Variants in PALB2 observed in about 807,000 individuals in gnomAD.
The protein encoded by PALB2 is mutant partner and localizer of BRCA2.
In PALB2, 82 loss-of-function variants were observed where a neutral mutation model predicts 107.4. The observed-to-expected ratio is 0.76, with a 90% CI of 0.64 to 0.92. The LOEUF is 0.92. Among genes scored for constraint, PALB2 ranks in the 40% least tolerant of loss-of-function variants. The pLI is 0.00. For missense variants in PALB2, 1,374 were observed against 1,379.9 expected (o/e 1.00, Z 0.07); for synonymous variants, 489 against 496.8 (o/e 0.98, Z 0.21).
chr16:23,635,487 T>A lies in PALB2; in HGVS notation c.1059A>T (p.Lys353Asn), dbSNP rs1213280805. ...GAGTGTCACTGGGAGATTTTAAAGA[T>A]TTCTCTGTTTGATTTTGTTCTTTTA... ...QNLKEQNQTE[K>N]SLKSPSDTLD... is the part of the protein sequence containing the mutation. The change falls in exon 4 of 13, where the codon AAA becomes AAT. Residue 353 changes from lysine to asparagine, a missense_variant. Transcript: ENST00000261584. The A allele has an allele frequency of 6.2e-7, 1 of 1,614,110 alleles. No homozygotes were observed. Among genetic ancestry groups the A allele is most frequent in the Non-Finnish European group, 8.5e-7 (1 of 1,179,984 alleles).
chr16:23,613,137 A>T (rs1420452988), intron 11 of PALB2, among the ~76,000 whole-genome samples: 1 of 152,128 alleles, frequency 6.6e-6, no homozygotes, highest in Non-Finnish European at 1.5e-5. Context: ...CACCTCGAGA[A>T]TCTATCATTT....
At chr16:23,603,915 T>C (rs1159988248) in intron 12 of PALB2, among the ~76,000 whole-genome samples, 1 of 152,176 alleles carries the variant, frequency 6.6e-6, no homozygotes, top group Non-Finnish European at 1.5e-5. Context: ...TGGCGCACAG[T>C]GGCCTTCCTT....
Position 23,630,396 on chromosome 16 carries a change from A to G in PALB2, c.1758T>C (p.Asp586=), listed in dbSNP as rs864622567. The G allele has an allele frequency of 6.2e-7, 1 of 1,614,152 alleles. No homozygotes were observed. Among genetic ancestry groups the G allele is most frequent in the Non-Finnish European group, 8.5e-7 (1 of 1,180,000 alleles). The change falls in exon 5 of 13, where the codon GAT becomes GAC. Residue 586 remains aspartate (D), a synonymous_variant. Coordinates refer to ENST00000261584, the MANE Select transcript of PALB2 (RefSeq NM_024675.4). ...CCCTATGAAATGGAGCCGTGAAAGCATCATCATCCAAGGATAAATAAGCAC... is the reference window on the plus strand; with the variant it reads ...CCCTATGAAATGGAGCCGTGAAAGCGTCATCATCCAAGGATAAATAAGCAC... The part of the protein sequence containing the change: ...SNSAYLSLDD[D]AFTAPFHRDG...
rs2142251301 is a variant in PALB2, at chr16:23,603,488, C to T, written c.3532G>A (p.Gly1178Arg). The T allele has an allele frequency of 6.2e-7, 1 of 1,613,540 alleles. No homozygotes were observed. Among genetic ancestry groups the T allele is most frequent in the Non-Finnish European group, 8.5e-7 (1 of 1,179,602 alleles). The change falls in exon 13 of 13, where the codon GGA (glycine) becomes AGA (arginine). Residue 1178 changes from glycine (G) to arginine (R), a missense_variant. Transcript: ENST00000261584. ...DSHLLAGQKD[G>R]NIFVYHYS Reference sequence around the variant, plus strand: ...GAATAGTGGTATACAAATATATTTCCATCTTTTTGTCCAGCCAGCAAATGA... The same window carrying T: ...GAATAGTGGTATACAAATATATTTCTATCTTTTTGTCCAGCCAGCAAATGA...
rs10525601 is a variant in PALB2 at position 23,608,801 on chromosome 16, T to TACACACACACACACAC, written c.3202-805_3202-790dup. On this transcript the variant is annotated intron_variant, in intron 11 of 12. Coordinates refer to ENST00000261584, the MANE Select transcript of PALB2 (RefSeq NM_024675.4). ...ATATTACTGTATGTGTGTATATATATACACACACACACACACACACACATA... is the reference window on the plus strand; with the variant it reads ...ATATTACTGTATGTGTGTATATATATACACACACACACACACACACACACACACACACACACACATA... 1.1e-3 allele frequency among the ~76,000 whole-genome samples: 153 copies of TACACACACACACACAC among 143,810 alleles called. 1 individual carries two copies. The highest frequency in any genetic ancestry group is 3.9e-3 in the African/African-American group (147 of 37,930). 94.3% of individuals were successfully genotyped at this position (143,810 alleles called of 152,430 possible).
intron 10 of PALB2, chr16:23,617,504 G>T (rs904418194): frequency 2.0e-5 from 3 of 151,444 alleles, no homozygotes; most frequent in Non-Finnish European, 2.9e-5. Flanking sequence ...AGGATCACTT[G>T]CATTGAGGAG....
At chr16:23,609,030 G>A (rs1172089637) in intron 11 of PALB2, among the ~76,000 whole-genome samples, 1 of 152,098 alleles carries the variant, frequency 6.6e-6, no homozygotes, top group Middle Eastern at 3.4e-3. Flanking sequence ...GTTTCACCAC[G>A]TTGACCAGGA....
intron 1 of PALB2, among the ~76,000 whole-genome samples, chr16:23,639,670 A>T (rs976629785): frequency 6.6e-6 from 1 of 151,616 alleles, no homozygotes; most frequent in Admixed American, 6.6e-5. Flanking sequence ...AAATACAAAA[A>T]TTAGCCCGGC....
chr16:23,609,839 T>C (rs928595394), intron 11 of PALB2, among the ~76,000 whole-genome samples: 3 of 151,946 alleles, frequency 2.0e-5, no homozygotes, highest in African/African-American at 7.3e-5. Context: ...TTTGGGGGGA[T>C]AGGGTCTCAC....
intron 4 of PALB2, among the ~76,000 whole-genome samples, chr16:23,634,360 G>A (rs757983073): frequency 9.9e-5 from 15 of 152,208 alleles, no homozygotes; most frequent in Non-Finnish European, 1.8e-4. Flanking sequence ...TTTAGAAAGT[G>A]CCAGGCAAGC....
chr16:23,636,757 A>G (rs1348842256), intron 3 of PALB2, among the ~76,000 whole-genome samples: 2 of 152,116 alleles, frequency 1.3e-5, no homozygotes, highest in East Asian at 3.8e-4. Flanking sequence ...TAACTTCTAA[A>G]TCTCAACTAG....
chr16:23,608,801 T>TATACACACACAC (rs560756242), intron 11 of PALB2, among the ~76,000 whole-genome samples: 40 of 143,810 alleles, frequency 2.8e-4, no homozygotes, highest in African/African-American at 1.0e-3. Flanking sequence ...TGTATATATA[T>TATACACACACAC]ACACACACAC....
intron 4 of PALB2, among the ~76,000 whole-genome samples, chr16:23,631,963 C>T (rs952411442): frequency 3.9e-5 from 6 of 152,174 alleles, no homozygotes; most frequent in Non-Finnish European, 5.9e-5. Context: ...CCTCCCACAT[C>T]AGCCTCCTGA....
chr16:23,628,190 T>C (rs529959981), intron 6 of PALB2, among the ~76,000 whole-genome samples: 1 of 152,286 alleles, frequency 6.6e-6, no homozygotes, highest in East Asian at 1.9e-4. Flanking sequence ...AGATTGGAGA[T>C]TGCCCCACTG....
Position 23,621,298 on chromosome 16 carries a change from TAA to T in PALB2, c.3113+62_3113+63del, listed in dbSNP as rs1320566288. The stretch of plus-strand genomic sequence containing the variant: ...TTATTTAATCTTCACAACAACCCTG[TAA>T]AATTAGAGGTATATCCTCATACTAC... On this transcript the variant is annotated intron_variant, in intron 10 of 12. Coordinates refer to ENST00000261584, the MANE Select transcript of PALB2 (RefSeq NM_024675.4). 9 of 1,066,730 alleles carry T rather than the reference TAA, an allele frequency of 8.4e-6. 1 individual carries two copies. The East Asian group carries it at 1.9e-4, about 22-fold the overall frequency. The allele number at this position is 1,066,730 out of a possible 1,614,324, so 66.1% of individuals were successfully genotyped here.
chr16:23,614,461 G>A (rs1966643752), intron 10 of PALB2, among the ~76,000 whole-genome samples: 1 of 151,942 alleles, frequency 6.6e-6, no homozygotes, highest in African/African-American at 2.4e-5. Context: ...CAACGGCCAG[G>A]AAACCAAATT....
At chr16:23,629,506 G>T in intron 5 of PALB2, 134 bp downstream of exon 5, 1 of 987,412 alleles carries the variant, frequency 1.0e-6, no homozygotes. Context: ...TGATTACAAT[G>T]AAATCATATC....
intron 10 of PALB2, among the ~76,000 whole-genome samples, chr16:23,614,948 C>A (rs1287004616): frequency 2.9e-5 from 4 of 137,274 alleles, no homozygotes; most frequent in South Asian, 2.3e-4. Flanking sequence ...CCGCGCCTGG[C>A]CTTTTTTTTT....
intron 12 of PALB2, 66 bp downstream of exon 12, chr16:23,607,798 G>A: frequency 1.3e-6 from 2 of 1,555,580 alleles, no homozygotes; most frequent in Non-Finnish European, 1.8e-6. Flanking sequence ...AAAATATCTA[G>A]TTTTTGTGTT....
Sources: gnomAD v4.1 joint callset for allele counts (sites outside exome capture counted in the v4.1 genomes callset) on GRCh38, gnomAD v4.1.1 for gene constraint, MANE v1.5 for transcripts, NCBI Gene and HGNC (gene_info 2026-07-23, HGNC 2026-07-21) for gene names.